The following ZNF469 variants were observed in gnomAD, a reference collection of about 807,000 sequenced individuals.
ZNF469 encodes the protein zinc finger protein 469.
A neutral mutation model predicts 1.0 loss-of-function variants in ZNF469; 1 was observed. The observed-to-expected ratio is 1.00, with a 90% CI of 0.35 to 4.73. The LOEUF is 4.73. Ranked by LOEUF, ZNF469 falls within the 30% of genes most tolerant of loss-of-function variation. The probability of loss-of-function intolerance (pLI) is 0.16; values close to 1 mark genes in which losing one functional copy is unlikely to be tolerated. For missense variants in ZNF469, 6,100 were observed against 5,356.3 expected (o/e 1.14, Z -4.33); for synonymous variants, 2,703 against 2,363.4 (o/e 1.14, Z -4.17).
the ZNF469 span, among the ~76,000 whole-genome samples, chr16:88,257,181 C>T: frequency 6.9e-6 from 1 of 145,830 alleles, no homozygotes; most frequent in South Asian, 2.1e-4. Flanking sequence ...CCAGGCTGGT[C>T]TCCAACTCCT....
the ZNF469 span, among the ~76,000 whole-genome samples, chr16:88,199,149 G>A: frequency 2.0e-5 from 3 of 152,186 alleles, no homozygotes; most frequent in Admixed American, 6.5e-5. Context: ...GGTTTCCTAC[G>A]AGGAGGCTGC....
Position 88,432,463 on chromosome 16 carries a change from C to A in ZNF469, c.4993C>A (p.His1665Asn), listed in dbSNP as rs746317483. The change falls in exon 3 of 3, where the codon CAT becomes AAT. Residue 1665 changes from histidine (H) to asparagine (N), a missense_variant. His to Asn is a moderately conservative substitution (Grantham distance 68). Coordinates refer to ENST00000565624, the MANE Select transcript of ZNF469 (RefSeq NM_001367624.2). ...GACGTGGCCCTGCCCAGCCTCCTTC[C>A]ATCCGGGACATGCAGCCCTTCTCCC... Reference protein sequence around the residue: ...GGTWPCPASFHPGHAALLPCA... With the variant: ...GGTWPCPASFNPGHAALLPCA... 5.2e-6 allele frequency: 8 copies of A among 1,550,356 alleles called. No individual in the cohort carries two copies. Among genetic ancestry groups the A allele is most frequent in the Non-Finnish European group, 6.1e-6 (7 of 1,146,984 alleles).
chr16:88,117,349 T>C, the ZNF469 span, among the ~76,000 whole-genome samples: 1 of 152,198 alleles, frequency 6.6e-6, no homozygotes, highest in Admixed American at 6.5e-5. Context: ...TGCAATTTCC[T>C]GTGCATCTAT....
chr16:88,361,151 C>A, the ZNF469 span, among the ~76,000 whole-genome samples: 1 of 152,122 alleles, frequency 6.6e-6, no homozygotes, highest in Non-Finnish European at 1.5e-5. Context: ...CAACCTAGAT[C>A]CCTCACATGC....
the ZNF469 span, among the ~76,000 whole-genome samples, chr16:88,136,451 G>C: frequency 2.6e-4 from 39 of 152,392 alleles, no homozygotes; most frequent in African/African-American, 9.1e-4. Flanking sequence ...GCTGGGTCCA[G>C]ATGGCGGCAG....
At chr16:88,165,326 C>T in the ZNF469 span, among the ~76,000 whole-genome samples, 6 of 152,252 alleles carry the variant, frequency 3.9e-5, no homozygotes, top group East Asian at 3.8e-4. Context: ...GCTTCTCTGG[C>T]GCCTCCCAGT....
chr16:88,208,723 AG>A, the ZNF469 span, among the ~76,000 whole-genome samples: 1 of 151,946 alleles, frequency 6.6e-6, no homozygotes, highest in Non-Finnish European at 1.5e-5. Flanking sequence ...GGACAAGAAA[AG>A]ACACACACAT....
the ZNF469 span, among the ~76,000 whole-genome samples, chr16:88,335,693 G>A: frequency 4.6e-5 from 7 of 152,206 alleles, no homozygotes; most frequent in South Asian, 2.1e-4. Context: ...GATAAGCATC[G>A]AATCAATGAA....
At chr16:88,268,320 C>T in the ZNF469 span, among the ~76,000 whole-genome samples, 1 of 152,014 alleles carries the variant, frequency 6.6e-6, no homozygotes, top group Admixed American at 6.5e-5. Flanking sequence ...TGTACATCAA[C>T]AACATTGACT....
Position 88,436,148 on chromosome 16 carries a change from C to T in ZNF469, c.8678C>T (p.Pro2893Leu), listed in dbSNP as rs529013712. The change falls in exon 3 of 3, where the codon CCC (proline) becomes CTC (leucine). Residue 2893 changes from proline to leucine, a missense_variant. By Grantham distance (98) the Pro-to-Leu change is moderately conservative. Transcript: ENST00000565624. ...CCGGTGCTCCCGCTGCCAACCCAGC[C>T]CAGCTTTGAGGAGGGCGGTGACCCC... ...EKPVLPLPTQ[P>L]SFEEGGDPTL... 281 of 1,548,194 alleles carry T rather than the reference C, an allele frequency of 1.8e-4. 4 individuals are homozygous for T. In the South Asian group the frequency reaches 3.0e-3, roughly 16 times the overall value.
At chr16:88,279,799 C>T in the ZNF469 span, among the ~76,000 whole-genome samples, 1 of 149,008 alleles carries the variant, frequency 6.7e-6, no homozygotes, top group East Asian at 2.0e-4. Context: ...GCCACGCTGA[C>T]ACTCGGTCAG....
At chr16:88,288,849 G>GGA in the ZNF469 span, among the ~76,000 whole-genome samples, 10 of 151,100 alleles carry the variant, frequency 6.6e-5, no homozygotes, top group East Asian at 9.7e-4. Flanking sequence ...GAGTTTCACA[G>GGA]GAGAGAGAGA....
the ZNF469 span, among the ~76,000 whole-genome samples, chr16:88,123,430 A>G: frequency 1.3e-5 from 2 of 152,042 alleles, no homozygotes; most frequent in African/African-American, 2.4e-5. Context: ...GCTGTTTTCA[A>G]TTTTGGGCTG....
chr16:88,120,607 G>A, the ZNF469 span, among the ~76,000 whole-genome samples: 5 of 152,212 alleles, frequency 3.3e-5, no homozygotes, highest in Admixed American at 6.5e-5. Context: ...AACCAGGGAC[G>A]GAGCCGCCCT....
Position 88,430,965 on chromosome 16 carries a change from C to T in ZNF469, c.3495C>T (p.Pro1165=). The part of the protein sequence containing the change: ...PEEPGGSRPG[P]GRSPQARGPS... ...AGCCGGGCGGGTCTCGCCCGGGCCC[C>T]GGCAGGAGCCCTCAGGCCCGTGGCC... The change falls in exon 3 of 3, where the codon CCC becomes CCT. Residue 1165 remains proline (P), a synonymous_variant. Coordinates refer to ENST00000565624, the MANE Select transcript of ZNF469 (RefSeq NM_001367624.2). 6.5e-7 allele frequency: 1 copy of T among 1,537,056 alleles called. No individual in the cohort carries two copies. The highest frequency in any genetic ancestry group is 1.2e-5 in the South Asian group (1 of 83,856).
chr16:88,164,649 T>G, the ZNF469 span, among the ~76,000 whole-genome samples: 1 of 152,216 alleles, frequency 6.6e-6, no homozygotes. Flanking sequence ...GCACAGTGCC[T>G]TCCCTGGCCA....
chr16:88,121,351 T>A, the ZNF469 span, among the ~76,000 whole-genome samples: 2 of 151,740 alleles, frequency 1.3e-5, no homozygotes, highest in Non-Finnish European at 2.9e-5. Flanking sequence ...CAACCAAACA[T>A]AAAAACATAG....
At chr16:88,363,284 C>G in the ZNF469 span, among the ~76,000 whole-genome samples, 1 of 152,296 alleles carries the variant, frequency 6.6e-6, no homozygotes, top group South Asian at 2.1e-4. Context: ...TTTTACATGT[C>G]AGGTAATTTC....
At chr16:88,313,370 T>A in the ZNF469 span, among the ~76,000 whole-genome samples, 1 of 152,268 alleles carries the variant, frequency 6.6e-6, no homozygotes, top group Non-Finnish European at 1.5e-5. Flanking sequence ...TCAATTTTTA[T>A]ACCTTGTAAT....
Sources: gnomAD v4.1 joint callset for allele counts (sites outside exome capture counted in the v4.1 genomes callset) on GRCh38, gnomAD v4.1.1 for gene constraint, MANE v1.5 for transcripts, NCBI Gene and HGNC (gene_info 2026-07-23, HGNC 2026-07-21) for gene names.